LAMA4: variants seen among roughly 807,000 people sequenced by gnomAD.
The protein encoded by LAMA4 is laminin subunit alpha-4.
In LAMA4, 127 loss-of-function variants were observed where a neutral mutation model predicts 207.1. That is an observed-to-expected ratio of 0.61 (90% CI 0.53 to 0.71). The LOEUF is 0.71. Ranked by LOEUF, LAMA4 falls within the 30% of genes least tolerant of loss-of-function variation. The pLI, the probability that LAMA4 is intolerant of heterozygous loss-of-function variation, is 0.00. For synonymous variants in LAMA4, 761 were observed against 816.0 expected, an observed-to-expected ratio of 0.93 and a Z score of 1.15; for missense variants, 2,093 against 2,246.5, an observed-to-expected ratio of 0.93 and a Z score of 1.38.
At chr6:112,231,566 C>A (rs1785563489) in intron 2 of LAMA4, among the ~76,000 whole-genome samples, 2 of 152,102 alleles carry the variant, frequency 1.3e-5, no homozygotes, top group African/African-American at 4.8e-5. Flanking sequence ...CAATAGAAGC[C>A]AGTCGTATGA....
chr6:112,227,547 C>A (rs1331168569), intron 2 of LAMA4, among the ~76,000 whole-genome samples: 1 of 152,120 alleles, frequency 6.6e-6, no homozygotes, highest in Non-Finnish European at 1.5e-5. Flanking sequence ...TCTAAAACAT[C>A]ATCTCTAGGA....
intron 2 of LAMA4, chr6:112,237,045 G>C (rs1263099004): frequency 6.6e-6 from 1 of 152,116 alleles, no homozygotes; most frequent in Non-Finnish European, 1.5e-5. Context: ...TGGTTATCTG[G>C]TCTACCCACT....
intron 11 of LAMA4, 67 bp downstream of exon 11, chr6:112,175,246 T>C (rs1340935672): frequency 1.4e-6 from 2 of 1,472,886 alleles, no homozygotes; most frequent in East Asian, 2.3e-5. Flanking sequence ...CTAGGTTTAA[T>C]GTCTGCTATT....
intron 14 of LAMA4, chr6:112,158,469 G>T: frequency 4.3e-6 from 2 of 468,656 alleles, no homozygotes; most frequent in African/African-American, 2.0e-5. Context: ...TAATATGACA[G>T]ATTTTTTTTA....
intron 11 of LAMA4, among the ~76,000 whole-genome samples, chr6:112,174,523 C>T (rs1404795979): frequency 1.3e-5 from 2 of 152,216 alleles, no homozygotes; most frequent in Non-Finnish European, 2.9e-5. Flanking sequence ...GGGACAGAGT[C>T]TCACTCTGTC....
In LAMA4 at chr6:112,207,042, C is replaced by G; in HGVS notation, c.401G>C (p.Cys134Ser). 1 of 1,613,888 alleles carries G rather than the reference C, an allele frequency of 6.2e-7. No homozygotes were observed. The highest frequency in any genetic ancestry group is 8.5e-7 in the Non-Finnish European group (1 of 1,179,928). The change falls in exon 4 of 39, where the codon TGT becomes TCT. Residue 134 changes from cysteine to serine, a missense_variant. By Grantham distance (112) the Cys-to-Ser change is moderately radical. Coordinates refer to ENST00000230538, the MANE Select transcript of LAMA4 (RefSeq NM_001105206.3). ...TTACTTGGCCAAGTGGGGCAGGGGA[C>G]AGGGGCACGGCTGGCAGAATTGGGG... ...GAPQFCQPCP[C>S]PLPHLANFAE...
intron 25 of LAMA4, 70 bp downstream of exon 25, chr6:112,136,053 G>T: frequency 3.6e-6 from 5 of 1,392,806 alleles, no homozygotes; most frequent in Middle Eastern, 1.8e-4. Context: ...TCATTTGACT[G>T]CCTGATTAGA....
In LAMA4 at chr6:112,109,534, C is replaced by A; in HGVS notation, c.5375G>T (p.Cys1792Phe). Residue 1792 changes from cysteine to phenylalanine, a missense_variant, in exon 39 of 39, where the codon TGC becomes TTC. By Grantham distance (205) the Cys-to-Phe change is radical. This residue lies in a region of LAMA4 where 383 missense variants were observed against 437.8 expected (regional missense o/e 0.87). Transcript: ENST00000230538. The part of the protein sequence containing the change: ...RLAPSKPFTG[C>F]IRHFVIDGHP... ...TCCATCAATCACAAAGTGGCGTATG[C>A]AGCCTGTGAAGGGTTTGCTGGGGGC... 2 of 1,614,086 alleles carry A rather than the reference C, an allele frequency of 1.2e-6. No homozygotes were observed. Among genetic ancestry groups the A allele is most frequent in the South Asian group, 1.1e-5 (1 of 91,084 alleles).
At chr6:112,137,003 G>A (rs949961658) in intron 24 of LAMA4, among the ~76,000 whole-genome samples, 2 of 152,082 alleles carry the variant, frequency 1.3e-5, no homozygotes, top group East Asian at 3.8e-4. Flanking sequence ...AAGGTATACT[G>A]AAAAGAATTC....
chr6:112,182,463 A>G (rs1429228990), intron 9 of LAMA4, among the ~76,000 whole-genome samples: 1 of 152,218 alleles, frequency 6.6e-6, no homozygotes, highest in African/African-American at 2.4e-5. Context: ...GCCATGATTG[A>G]ATCTATGAAT....
rs1584036963 is a variant in LAMA4 at position 112,254,069 on chromosome 6, C to T, written c.82G>A (p.Asp28Asn). The change falls in exon 2 of 39, where the codon GAC becomes AAC. Residue 28 changes from aspartate (D) to asparagine (N), a missense_variant. By Grantham distance (23) the Asp-to-Asn change is conservative. Transcript: ENST00000230538. ...ATGTCAAAAGGAAAAGCGTTGTCGT[C>T]CCCGGACGCGGCGCGGGAGCAGGCA... ...SAACSRAASG[D>N]DNAFPFDIEG... The T allele has an allele frequency of 1.2e-6, 2 of 1,610,318 alleles. No homozygotes were observed. Among genetic ancestry groups the T allele is most frequent in the South Asian group, 1.1e-5 (1 of 90,410 alleles).
intron 2 of LAMA4, among the ~76,000 whole-genome samples, chr6:112,244,023 A>T (rs1786725183): frequency 6.6e-6 from 1 of 152,178 alleles, no homozygotes; most frequent in Non-Finnish European, 1.5e-5. Context: ...GCACCACTGC[A>T]CCCCAGCCTG....
At chr6:112,249,146 C>T (rs1787231772) in intron 2 of LAMA4, among the ~76,000 whole-genome samples, 1 of 152,108 alleles carries the variant, frequency 6.6e-6, no homozygotes, top group Non-Finnish European at 1.5e-5. Context: ...TATATTTCTT[C>T]ATTTAAAGAA....
chr6:112,227,121 G>T (rs1583948508), intron 2 of LAMA4, among the ~76,000 whole-genome samples: 1 of 151,680 alleles, frequency 6.6e-6, no homozygotes, highest in Admixed American at 6.6e-5. Flanking sequence ...GCCCAGGCTG[G>T]AGTGCAGTGG....
In LAMA4 at chr6:112,130,988, A is replaced by T. The variant is rs782307741; in HGVS notation, c.3948T>A (p.Ile1316=). 1 of 1,613,194 alleles carries T rather than the reference A, an allele frequency of 6.2e-7. No individual in the cohort carries two copies. Among genetic ancestry groups the T allele is most frequent in the Admixed American group, 1.7e-5 (1 of 59,970 alleles). The change falls in exon 29 of 39, where the codon ATT becomes ATA. Residue 1316 remains isoleucine (I), a synonymous_variant. Transcript: ENST00000230538. ...QYNDGLSHFV[I]SSVSPTRYEL... The stretch of plus-strand genomic sequence containing the variant: ...TATACCTTGTGGGTGAGACAGAGCT[A>T]ATGACGAAGTGGGACAGCCCATCAT...
intron 2 of LAMA4, among the ~76,000 whole-genome samples, chr6:112,240,153 A>C (rs927681972): frequency 5.9e-5 from 9 of 152,186 alleles, no homozygotes; most frequent in Non-Finnish European, 1.2e-4. Context: ...TTAAAAGGTA[A>C]ACTGTTTCTA....
chr6:112,180,961 A>G (rs1554345204), intron 9 of LAMA4, among the ~76,000 whole-genome samples: 1 of 152,204 alleles, frequency 6.6e-6, no homozygotes, highest in African/African-American at 2.4e-5. Context: ...CCTCTGTGCC[A>G]TCACAGATAT....
rs1554320841 is a variant in LAMA4, at chr6:112,109,403, G to A, written c.*34C>T. ...TTTGTGTTTCTTTCAGTGCTCTAAA[G>A]AACTTTGTATTTGGGCAGCTGTGCT... is the stretch of plus-strand genomic sequence containing the variant. On this transcript the variant is annotated 3_prime_UTR_variant, in exon 39 of 39. Transcript: ENST00000230538. The A allele has an allele frequency of 1.9e-6, 3 of 1,612,750 alleles. No individual in the cohort carries two copies. The East Asian group carries it at 6.7e-5, about 36-fold the overall frequency.
Position 112,118,014 on chromosome 6 carries a change from T to C in LAMA4, c.4822-116A>G, listed in dbSNP as rs1265723336. On this transcript the variant is annotated intron_variant, in intron 34 of 38. Transcript: ENST00000230538. This position sits in a 1 kb window ranked among gnomAD's most constrained non-coding sequence, Gnocchi z 4.6. ...CCCACGTAATTCCTTGTTTCATTTA[T>C]TTCAGATATCTGAATGATCAGTACT... The C allele has an allele frequency of 3.6e-6, 3 of 831,238 alleles. No homozygotes were observed. The highest frequency in any genetic ancestry group is 4.0e-6 in the Non-Finnish European group (2 of 497,672). 51.5% of individuals were successfully genotyped at this position (831,238 alleles called of 1,614,324 possible).
Sources: allele counts gnomAD v4.1 joint callset (sites outside exome capture counted in the v4.1 genomes callset), GRCh38; gene constraint gnomAD v4.1.1; regional missense constraint gnomAD v4.1.1; non-coding constraint Gnocchi (gnomAD v3.1); transcripts MANE v1.5; gene names NCBI Gene and HGNC (gene_info 2026-07-23, HGNC 2026-07-21).